The following RABGAP1 variants were observed in gnomAD, a reference collection of about 807,000 sequenced individuals.
The protein encoded by RABGAP1 is RAB GTPase activating protein 1, also known as rab GTPase-activating protein 1.
In RABGAP1, 23 loss-of-function variants were observed where a neutral mutation model predicts 137.6. The observed-to-expected ratio is 0.17, with a 90% CI of 0.12 to 0.24. The LOEUF is 0.24. Ranked by LOEUF, RABGAP1 falls within the 10% of genes least tolerant of loss-of-function variation. RABGAP1 has a pLI of 1.00. For missense variants in RABGAP1, 906 were observed against 1,275.8 expected (o/e 0.71, Z 4.42); for synonymous variants, 451 against 450.7 (o/e 1.00, Z -0.01).
intron 10 of RABGAP1, among the ~76,000 whole-genome samples, chr9:123,000,561 G>A (rs1008726017): frequency 1.3e-5 from 2 of 151,956 alleles, no homozygotes; most frequent in African/African-American, 4.8e-5. Flanking sequence ...TGGTTCTCAG[G>A]ACATCTCAAA....
chr9:122,998,077 GTTTTA>G (rs1564390318), intron 9 of RABGAP1, among the ~76,000 whole-genome samples: 1 of 151,280 alleles, frequency 6.6e-6, no homozygotes, highest in African/African-American at 2.4e-5. Context: ...TGGTGTTTTT[GTTTTA>G]TTTTTTTTAT....
At position 123,100,508 on chromosome 9, in the gene RABGAP1, C is replaced by T. The variant is rs138610531; in HGVS notation, c.2889+959C>T. 7.2e-5 allele frequency among the ~76,000 whole-genome samples: 11 copies of T among 151,970 alleles called. No individual in the cohort carries two copies. The East Asian group carries it at 1.4e-3, about 19-fold the overall frequency. ...CGCCATCTCGGCTCACTGCAACCTC[C>T]GCCTCCCAGGTTCAAGCTATTCTCC... On this transcript the variant is annotated intron_variant, in intron 24 of 25. Transcript: ENST00000373647.
intron 13 of RABGAP1, among the ~76,000 whole-genome samples, chr9:123,043,654 T>G: frequency 1.4e-5 from 2 of 141,338 alleles, no homozygotes; most frequent in African/African-American, 2.7e-5. Context: ...GGAAGGAGGG[T>G]GGGTGTAACA....
intron 13 of RABGAP1, among the ~76,000 whole-genome samples, chr9:123,046,844 A>G (rs1337088527): frequency 6.6e-6 from 1 of 152,214 alleles, no homozygotes; most frequent in Non-Finnish European, 1.5e-5. Flanking sequence ...TTCTGAGAAA[A>G]TGAATGACAT....
chr9:122,982,282 T>A (rs961620376), intron 2 of RABGAP1, among the ~76,000 whole-genome samples: 1 of 152,236 alleles, frequency 6.6e-6, no homozygotes, highest in Non-Finnish European at 1.5e-5. Context: ...ACAGTTCTTA[T>A]GTTTATAAAA....
At chr9:122,982,739 C>T (rs770280067) in intron 2 of RABGAP1, among the ~76,000 whole-genome samples, 29 of 152,066 alleles carry the variant, frequency 1.9e-4, no homozygotes, top group Non-Finnish European at 1.0e-4. Context: ...TTTTTAGGTG[C>T]TTTAAAAATT....
intron 19 of RABGAP1, among the ~76,000 whole-genome samples, chr9:123,077,916 AAAATAT>A (rs1564180636): frequency 6.6e-6 from 1 of 152,166 alleles, no homozygotes; most frequent in Admixed American, 6.5e-5. Context: ...GAGGCTAAAT[AAAATAT>A]ACCCCAAGAA....
Position 123,018,420 on chromosome 9 carries a change from A to G in RABGAP1, c.1644-1889A>G, listed in dbSNP as rs75592119. The stretch of plus-strand genomic sequence containing the variant: ...TAAAGAGCCAAATAATAAATATTTT[A>G]GGTTTTGCAGGCTAATAGTCTGTCA... On this transcript the variant is annotated intron_variant, in intron 12 of 25. Transcript: ENST00000373647. Among the ~76,000 whole-genome samples, 471 of 152,346 alleles carry G rather than the reference A, an allele frequency of 3.1e-3. 1 individual carries two copies. The highest frequency in any genetic ancestry group is 0.013 in the South Asian group (65 of 4,828).
At chr9:123,001,278 G>C (rs141310487) in intron 10 of RABGAP1, among the ~76,000 whole-genome samples, 454 of 152,072 alleles carry the variant, frequency 3.0e-3, no homozygotes, top group African/African-American at 0.01. Flanking sequence ...TGTCTTATTT[G>C]GTGACTTATC....
chr9:123,051,882 C>G (rs1345561171), intron 13 of RABGAP1, among the ~76,000 whole-genome samples: 1 of 151,448 alleles, frequency 6.6e-6, no homozygotes, highest in Non-Finnish European at 1.5e-5. Flanking sequence ...AGCTCCGCCT[C>G]CTGGGTTCAT....
intron 13 of RABGAP1, among the ~76,000 whole-genome samples, chr9:123,039,215 T>C (rs919009944): frequency 7.9e-5 from 12 of 152,160 alleles, no homozygotes; most frequent in Non-Finnish European, 1.5e-4. Flanking sequence ...AATCCCAGAC[T>C]TGAGAAGAGA....
At chr9:122,979,097 C>T (rs1835917980) in intron 2 of RABGAP1, among the ~76,000 whole-genome samples, 1 of 151,802 alleles carries the variant, frequency 6.6e-6, no homozygotes, top group South Asian at 2.1e-4. Flanking sequence ...GGGGTCTCAC[C>T]ATGTTGCCCA....
chr9:123,051,436 G>T (rs905183566), intron 13 of RABGAP1, among the ~76,000 whole-genome samples: 1 of 150,956 alleles, frequency 6.6e-6, no homozygotes, highest in East Asian at 2.0e-4. Flanking sequence ...TAGTAGAGAT[G>T]GGGTTTCTCC....
upstream of RABGAP1, among the ~76,000 whole-genome samples, chr9:122,936,609 T>TA (rs1380488038): frequency 6.6e-6 from 1 of 152,194 alleles, no homozygotes; most frequent in Non-Finnish European, 1.5e-5. Context: ...GGGTGGGCGA[T>TA]ACGAACTTTG....
At chr9:123,057,919 G>GGC (rs2033803086) in intron 13 of RABGAP1, among the ~76,000 whole-genome samples, 1 of 152,008 alleles carries the variant, frequency 6.6e-6, no homozygotes, top group Non-Finnish European at 1.5e-5. Context: ...CAGGCGTGGC[G>GGC]GCGCGCGCCT....
intron 1 of RABGAP1, among the ~76,000 whole-genome samples, chr9:122,944,288 AGTG>A (rs1048983977): frequency 1.1e-4 from 16 of 143,324 alleles, no homozygotes; most frequent in African/African-American, 4.2e-4. Context: ...GGAGTGCAGT[AGTG>A]CTGTCGTAGC....
At chr9:122,951,714 C>T (rs988397845) in intron 1 of RABGAP1, among the ~76,000 whole-genome samples, 6 of 152,028 alleles carry the variant, frequency 3.9e-5, no homozygotes, top group Non-Finnish European at 5.9e-5. Flanking sequence ...GCACTACAGG[C>T]ACACACCACC....
At chr9:122,989,974 C>A (rs775927908) in intron 5 of RABGAP1, 82 bp from the exon 6 acceptor site, 9 of 1,374,214 alleles carry the variant, frequency 6.5e-6, no homozygotes, top group Non-Finnish European at 8.9e-6. Context: ...TATTGCCCTC[C>A]AAAGTAGGTA....
intron 19 of RABGAP1, 36 bp from the exon 20 acceptor site, chr9:123,089,722 A>G: frequency 1.3e-6 from 2 of 1,562,482 alleles, no homozygotes; most frequent in South Asian, 1.1e-5. Context: ...ACTACTTTCT[A>G]ATACTTCTTA....
Sources: allele counts gnomAD v4.1 joint callset (sites outside exome capture counted in the v4.1 genomes callset), GRCh38; gene constraint gnomAD v4.1.1; transcripts MANE v1.5; gene names NCBI Gene and HGNC (gene_info 2026-07-23, HGNC 2026-07-21).